The following PPP4R3B variants were observed in gnomAD, a reference collection of about 807,000 sequenced individuals.
PPP4R3B encodes the protein protein phosphatase 4 regulatory subunit 3B.
PPP4R3B carries 52 observed loss-of-function variants against 95.4 expected under a neutral mutation model. That is an observed-to-expected ratio of 0.54 (90% CI 0.44 to 0.69). The LOEUF (loss-of-function observed/expected upper bound fraction) is 0.69. Ranked by LOEUF, PPP4R3B falls within the 30% of genes least tolerant of loss-of-function variation. The pLI is 0.00. For synonymous variants in PPP4R3B, 407 were observed against 343.9 expected (o/e 1.18, Z -2.03); for missense variants, 1,003 against 1,005.9 (o/e 1.00, Z 0.04).
rs58981030 is a variant in PPP4R3B at position 55,615,857 on chromosome 2, C to CAAAAAAAAAAAAAAAA, written c.143-367_143-352dup. Among the ~76,000 whole-genome samples the CAAAAAAAAAAAAAAAA allele has an allele frequency of 6.1e-4, 24 of 39,074 alleles. 2 individuals are homozygous for CAAAAAAAAAAAAAAAA. The highest frequency in any genetic ancestry group is 4.0e-3 in the African/African-American group (22 of 5,540). 25.6% of individuals were successfully genotyped at this position (39,074 alleles called of 152,430 possible). On this transcript the variant is annotated intron_variant, in intron 1 of 16. Transcript: ENST00000616407. ...TGGCAACAGAGCAAGACTCTGTCTC[C>CAAAAAAAAAAAAAAAA]AAAAAAAAAAAAAAAAAAAAAAAAA...
At chr2:55,556,411 A>G (rs1002025074) in intron 16 of PPP4R3B, among the ~76,000 whole-genome samples, 9 of 152,348 alleles carry the variant, frequency 5.9e-5, no homozygotes, top group Admixed American at 4.6e-4. Context: ...TCAGAGAAAT[A>G]TAACAGAAAA....
Position 55,547,987 on chromosome 2 carries a change from G to A in PPP4R3B, c.*1924C>T, listed in dbSNP as rs943083303. The A allele has an allele frequency of 6.6e-6, 1 of 152,216 alleles. No individual in the cohort carries two copies. Among genetic ancestry groups the A allele is most frequent in the African/African-American group, 2.4e-5 (1 of 41,464 alleles). The allele number at this position is 152,216 out of a possible 1,614,324, so 9.4% of individuals were successfully genotyped here. A position where few individuals can be genotyped will look rare whatever the true frequency, so the allele number is the denominator to read the frequency against. ...TTTAAGAAGAAATTTACTAAAAGCT[G>A]AGAGATGGGTCTCGATAAAATTTGA... On this transcript the variant is annotated 3_prime_UTR_variant, in exon 17 of 17. Transcript: ENST00000616407.
At chr2:55,564,578 C>T in intron 14 of PPP4R3B, 81 bp from the exon 15 acceptor site, 4 of 1,227,706 alleles carry the variant, frequency 3.3e-6, no homozygotes, top group Non-Finnish European at 4.5e-6. Flanking sequence ...TATGTATAAC[C>T]AAGATGAACT....
chr2:55,611,914 T>G (rs1694219192), intron 2 of PPP4R3B, among the ~76,000 whole-genome samples: 1 of 152,082 alleles, frequency 6.6e-6, no homozygotes, highest in Non-Finnish European at 1.5e-5. Flanking sequence ...TTTTTTTTGG[T>G]AGAGACAGGG....
intron 16 of PPP4R3B, among the ~76,000 whole-genome samples, chr2:55,552,682 C>T (rs531982676): frequency 1.3e-5 from 2 of 152,308 alleles, no homozygotes; most frequent in South Asian, 2.1e-4. Flanking sequence ...TCGGCTTCAT[C>T]ATATACTTTA....
At chr2:55,614,564 T>C (rs1255550543) in intron 2 of PPP4R3B, 3 of 152,146 alleles carry the variant, frequency 2.0e-5, no homozygotes, top group Non-Finnish European at 2.9e-5. Flanking sequence ...TATGGATACA[T>C]ACATATGCAG....
intron 7 of PPP4R3B, among the ~76,000 whole-genome samples, chr2:55,584,728 G>C (rs79027559): frequency 6.8e-4 from 104 of 152,088 alleles, no homozygotes; most frequent in African/African-American, 2.2e-3. Context: ...AGTTATCCTA[G>C]GTAAGTACCT....
chr2:55,606,799 G>C (rs1215079698), intron 2 of PPP4R3B, among the ~76,000 whole-genome samples: 1 of 148,628 alleles, frequency 6.7e-6, no homozygotes, highest in Non-Finnish European at 1.5e-5. Context: ...TCCAGCCTGG[G>C]GGACAAAAGT....
intron 16 of PPP4R3B, among the ~76,000 whole-genome samples, chr2:55,552,947 C>T (rs114457366): frequency 2.0e-5 from 3 of 152,164 alleles, no homozygotes; most frequent in Admixed American, 6.5e-5. Flanking sequence ...AGAAGCTAGG[C>T]AGTAAAGGCA....
chr2:55,580,454 G>C (rs77855346), intron 8 of PPP4R3B, among the ~76,000 whole-genome samples: 6 of 152,072 alleles, frequency 3.9e-5, no homozygotes, highest in Non-Finnish European at 8.8e-5. Context: ...AGGCACATTT[G>C]AATCTGTTTT....
intron 16 of PPP4R3B, among the ~76,000 whole-genome samples, chr2:55,558,278 C>CA (rs1686106463): frequency 6.6e-6 from 1 of 152,138 alleles, no homozygotes; most frequent in South Asian, 2.1e-4. Flanking sequence ...ATATTAGAAT[C>CA]AACTTAAGTG....
intron 2 of PPP4R3B, among the ~76,000 whole-genome samples, chr2:55,611,407 G>T (rs372690567): frequency 2.4e-4 from 37 of 152,296 alleles, no homozygotes; most frequent in African/African-American, 8.4e-4. Context: ...TATCAGGTAT[G>T]TTATTTCATG....
Position 55,617,380 on chromosome 2 carries a change from TGGCGGCGGC to T in PPP4R3B, c.-104_-96del, listed in dbSNP as rs1281978428. On this transcript the variant is annotated 5_prime_UTR_variant, in exon 1 of 17. Transcript: ENST00000616407. ...GAGACGGTAAAGGCAGTAGTGGCGG[TGGCGGCGGC>T]GGCGGCTTCGGAGAGGCCCGAATTC... The T allele has an allele frequency of 5.2e-6, 7 of 1,356,064 alleles. No individual in the cohort carries two copies. Among genetic ancestry groups the T allele is most frequent in the South Asian group, 1.7e-5 (1 of 59,002 alleles). 84.0% of individuals were successfully genotyped at this position (1,356,064 alleles called of 1,614,324 possible). A position where few individuals can be genotyped will look rare whatever the true frequency, so the allele number is the denominator to read the frequency against.
At chr2:55,564,210 T>C in intron 15 of PPP4R3B, 103 bp downstream of exon 15, 1 of 1,001,510 alleles carries the variant, frequency 1.0e-6, no homozygotes, top group Non-Finnish European at 1.4e-6. Flanking sequence ...AAAATTTTTG[T>C]CTTTCTTGCT....
intron 10 of PPP4R3B, 37 bp from the exon 11 acceptor site, chr2:55,577,393 A>G (rs1156604064): frequency 1.1e-5 from 16 of 1,399,710 alleles, no homozygotes; most frequent in Non-Finnish European, 1.3e-5. Flanking sequence ...AAAATACTTC[A>G]GTAATAATAT....
intron 12 of PPP4R3B, among the ~76,000 whole-genome samples, chr2:55,570,094 C>T (rs911987450): frequency 2.0e-5 from 3 of 151,968 alleles, no homozygotes; most frequent in African/African-American, 7.3e-5. Context: ...TACTAAAATA[C>T]AAAAAATTAG....
At position 55,550,011 on chromosome 2, in the gene PPP4R3B, T is replaced by A. The variant is rs1337588307; in HGVS notation, c.2455-5A>T. On this transcript the variant is annotated splice_region_variant and splice_polypyrimidine_tract_variant and intron_variant, in intron 16 of 16. Coordinates refer to ENST00000616407, the MANE Select transcript of PPP4R3B (RefSeq NM_001122964.3). ...CACTAAGCCAACCAAACTTCCCTAT[T>A]GAAGAATTTAAAAATTTTTTCTTTA... 6.3e-7 allele frequency: 1 copy of A among 1,589,852 alleles called. No individual in the cohort carries two copies. The highest frequency in any genetic ancestry group is 8.5e-7 in the Non-Finnish European group (1 of 1,173,488).
chr2:55,594,586 G>A (rs963276759), intron 4 of PPP4R3B, among the ~76,000 whole-genome samples: 6 of 151,978 alleles, frequency 3.9e-5, no homozygotes, highest in African/African-American at 7.2e-5. Flanking sequence ...AAGTATTTAC[G>A]ATTTACTAGT....
rs1267454805 is a variant in PPP4R3B, at chr2:55,578,250, G to C, written c.1561C>G (p.Gln521Glu). The C allele has an allele frequency of 1.4e-6, 2 of 1,455,848 alleles. No individual in the cohort carries two copies. Among genetic ancestry groups the C allele is most frequent in the South Asian group, 3.2e-5 (2 of 62,492 alleles). 90.2% of individuals were successfully genotyped at this position (1,455,848 alleles called of 1,614,324 possible). The change falls in exon 10 of 17, where the codon CAA becomes GAA. Residue 521 changes from glutamine to glutamate, a missense_variant. Physicochemically the swap from Gln to Glu is conservative, Grantham distance 29 (BLOSUM62 2). Around this residue, in one of 3 missense-constraint regions of PPP4R3B, gnomAD observed 695 missense variants for 686.2 expected, o/e 1.01. Coordinates refer to ENST00000616407, the MANE Select transcript of PPP4R3B (RefSeq NM_001122964.3). Reference sequence around the variant, plus strand: ...ATACACTCCAAATTCAGCATACCTTGAGAGATGGAGGAAGAGGGGGTAGAA... The same window carrying C: ...ATACACTCCAAATTCAGCATACCTTCAGAGATGGAGGAAGAGGGGGTAGAA... ...SHSTPSSSIS[Q>E]DNIVGSNKNN...
Sources: allele counts gnomAD v4.1 joint callset (sites outside exome capture counted in the v4.1 genomes callset), GRCh38; gene constraint gnomAD v4.1.1; regional missense constraint gnomAD v4.1.1; transcripts MANE v1.5; gene names NCBI Gene and HGNC (gene_info 2026-07-23, HGNC 2026-07-21).